Variants in IMMP2L observed in about 807,000 individuals in gnomAD.
The protein encoded by IMMP2L is mitochondrial inner membrane protease subunit 2.
In IMMP2L, 18 loss-of-function variants were observed where a neutral mutation model predicts 19.3. The ratio of observed to expected loss-of-function variants is 0.93; its 90% CI spans 0.64 to 1.38. The LOEUF (loss-of-function observed/expected upper bound fraction) is 1.38, where lower values mean the gene tolerates loss of function less well. Among genes scored for constraint, IMMP2L ranks in the 40% most tolerant of loss-of-function variants. The pLI is 0.00. For synonymous variants in IMMP2L, 76 were observed against 73.0 expected (o/e 1.04, Z -0.21); for missense variants, 233 against 218.2 (o/e 1.07, Z -0.43).
chr7:111,374,749 T>C (rs1331507692), intron 3 of IMMP2L, among the ~76,000 whole-genome samples: 3 of 152,116 alleles, frequency 2.0e-5, no homozygotes, highest in Non-Finnish European at 2.9e-5. Context: ...TATTCTCTCC[T>C]AGCTTGGCAA....
intron 3 of IMMP2L, among the ~76,000 whole-genome samples, chr7:111,325,940 A>G (rs1466109941): frequency 6.6e-6 from 1 of 151,778 alleles, no homozygotes; most frequent in Admixed American, 6.6e-5. Flanking sequence ...AATTTAAATT[A>G]TAATGTAGTT....
intron 3 of IMMP2L, among the ~76,000 whole-genome samples, chr7:111,080,148 T>C (rs556431529): frequency 6.6e-6 from 1 of 152,332 alleles, no homozygotes; most frequent in Non-Finnish European, 1.5e-5. Flanking sequence ...TACTTACTTC[T>C]CCAAACAAAA....
At chr7:111,205,585 T>C (rs1810610989) in intron 3 of IMMP2L, among the ~76,000 whole-genome samples, 1 of 152,126 alleles carries the variant, frequency 6.6e-6, no homozygotes, top group South Asian at 2.1e-4. Context: ...CTTTGAATTT[T>C]TGAATTCAAG....
At chr7:111,131,775 G>A (rs1801870052) in intron 3 of IMMP2L, among the ~76,000 whole-genome samples, 1 of 151,720 alleles carries the variant, frequency 6.6e-6, no homozygotes, top group Non-Finnish European at 1.5e-5. Context: ...CAGTCTCAGA[G>A]AAGTATTTAA....
At chr7:111,088,780 G>A (rs983485922) in intron 3 of IMMP2L, among the ~76,000 whole-genome samples, 1 of 152,074 alleles carries the variant, frequency 6.6e-6, no homozygotes, top group Non-Finnish European at 1.5e-5. Context: ...TATCTTTGGA[G>A]AGAGCCACAT....
chr7:110,913,890 G>C (rs998480042), intron 4 of IMMP2L, among the ~76,000 whole-genome samples: 1 of 152,162 alleles, frequency 6.6e-6, no homozygotes, highest in African/African-American at 2.4e-5. Context: ...CTTGTTTGAG[G>C]AAAGAGCAGA....
chr7:111,102,128 G>A (rs1798044426), intron 3 of IMMP2L, among the ~76,000 whole-genome samples: 1 of 151,216 alleles, frequency 6.6e-6, no homozygotes, highest in Non-Finnish European at 1.5e-5. Context: ...CCTATATTGG[G>A]ATAGATTTTA....
intron 3 of IMMP2L, among the ~76,000 whole-genome samples, chr7:111,113,222 T>TTACAAACCA (rs1457856994): frequency 3.1e-4 from 47 of 152,296 alleles, no homozygotes; most frequent in African/African-American, 1.1e-3. Flanking sequence ...CTTACCTTCT[T>TTACAAACCA]TACAAACCAG....
intron 3 of IMMP2L, among the ~76,000 whole-genome samples, chr7:111,051,233 G>A (rs1792976458): frequency 6.6e-6 from 1 of 152,134 alleles, no homozygotes; most frequent in Non-Finnish European, 1.5e-5. Flanking sequence ...ACTAGTGTAT[G>A]ACTGTTTATT....
intron 3 of IMMP2L, among the ~76,000 whole-genome samples, chr7:111,282,494 C>T (rs1820006811): frequency 6.6e-6 from 1 of 152,022 alleles, no homozygotes; most frequent in African/African-American, 2.4e-5. Context: ...AATAATGATG[C>T]ACTTAAATAT....
At chr7:110,673,996 C>T (rs73433296) in intron 5 of IMMP2L, among the ~76,000 whole-genome samples, 434 of 152,266 alleles carry the variant, frequency 2.9e-3, no homozygotes, top group African/African-American at 9.9e-3. Flanking sequence ...TTAAGCAGAA[C>T]CCCACTCCCA....
chr7:111,391,821 T>C, intron 3 of IMMP2L: 1 of 700,206 alleles, frequency 1.4e-6, no homozygotes, highest in Non-Finnish European at 2.6e-6. Context: ...CCTTAATATA[T>C]GACAACACGA....
At chr7:111,198,587 C>T (rs1353126788) in intron 3 of IMMP2L, among the ~76,000 whole-genome samples, 1 of 152,136 alleles carries the variant, frequency 6.6e-6, no homozygotes, top group African/African-American at 2.4e-5. Context: ...CATAACTATT[C>T]CCTAAACACG....
At chr7:110,776,925 C>G (rs1173188590) in intron 5 of IMMP2L, among the ~76,000 whole-genome samples, 1 of 151,966 alleles carries the variant, frequency 6.6e-6, no homozygotes, top group Non-Finnish European at 1.5e-5. Context: ...GTCTTCCCCA[C>G]TGATTTTGTG....
At chr7:111,468,567 C>G (rs1840905555) in intron 3 of IMMP2L, among the ~76,000 whole-genome samples, 1 of 151,974 alleles carries the variant, frequency 6.6e-6, no homozygotes, top group Admixed American at 6.6e-5. Context: ...GATAGAACAG[C>G]AGTCTAGGAC....
At chr7:110,822,278 T>C (rs965121002) in intron 5 of IMMP2L, among the ~76,000 whole-genome samples, 1 of 152,140 alleles carries the variant, frequency 6.6e-6, no homozygotes, top group Non-Finnish European at 1.5e-5. Context: ...AGCTCAACTC[T>C]ATCTTCATCC....
At chr7:110,730,009 A>T (rs1413029393) in intron 5 of IMMP2L, among the ~76,000 whole-genome samples, 1 of 151,966 alleles carries the variant, frequency 6.6e-6, no homozygotes, top group African/African-American at 2.4e-5. Flanking sequence ...ATTGAACATT[A>T]TGAGGTAAAA....
intron 3 of IMMP2L, among the ~76,000 whole-genome samples, chr7:111,086,459 AAT>A (rs939166983): frequency 3.9e-4 from 19 of 48,226 alleles, no homozygotes; most frequent in African/African-American, 7.1e-4. Flanking sequence ...AAGAAAAAAA[AAT>A]TAAAATTAAA....
chr7:111,172,484 C>A (rs1192696133), intron 3 of IMMP2L, among the ~76,000 whole-genome samples: 2 of 151,504 alleles, frequency 1.3e-5, no homozygotes, highest in African/African-American at 2.4e-5. Flanking sequence ...TTTACCATTT[C>A]TTTGTGTTGA....
Sources: gnomAD v4.1 joint callset for allele counts (sites outside exome capture counted in the v4.1 genomes callset) on GRCh38, gnomAD v4.1.1 for gene constraint, MANE v1.5 for transcripts, NCBI Gene and HGNC (gene_info 2026-07-23, HGNC 2026-07-21) for gene names.